Variants in NELL2 observed in about 807,000 individuals in gnomAD.
NELL2 encodes the protein neural EGFL like 2.
NELL2 carries 41 observed loss-of-function variants against 109.6 expected under a neutral mutation model. The observed-to-expected ratio is 0.37, with a 90% CI of 0.29 to 0.49. The LOEUF is 0.49. NELL2 is among the 20% of genes least tolerant of loss of function. The pLI, the probability that NELL2 is intolerant of heterozygous loss-of-function variation, is 0.98. For missense variants in NELL2, 900 were observed against 1,008.3 expected, an observed-to-expected ratio of 0.89 and a Z score of 1.45; for synonymous variants, 355 against 344.7, an observed-to-expected ratio of 1.03 and a Z score of -0.33.
At chr12:44,809,394 T>C (rs866348351) in intron 3 of NELL2, among the ~76,000 whole-genome samples, 2 of 152,074 alleles carry the variant, frequency 1.3e-5, no homozygotes, top group Admixed American at 6.6e-5. Flanking sequence ...CGAAACACAA[T>C]AGTCAGAAAA....
intron 12 of NELL2, among the ~76,000 whole-genome samples, chr12:44,687,064 G>C (rs907033137): frequency 2.0e-5 from 3 of 152,148 alleles, no homozygotes; most frequent in African/African-American, 7.2e-5. Flanking sequence ...GAGACTCCAC[G>C]GGCATAGGAC....
intron 12 of NELL2, among the ~76,000 whole-genome samples, chr12:44,679,252 T>C (rs1007241798): frequency 6.6e-6 from 1 of 152,072 alleles, no homozygotes; most frequent in African/African-American, 2.4e-5. Flanking sequence ...AGCAGGAGGA[T>C]GAAGAAGTTA....
chr12:44,783,704 A>C (rs1942051078), intron 3 of NELL2, among the ~76,000 whole-genome samples: 1 of 151,736 alleles, frequency 6.6e-6, no homozygotes, highest in African/African-American at 2.4e-5. Flanking sequence ...CCAAAAAATT[A>C]AATCTCCAGG....
intron 3 of NELL2, among the ~76,000 whole-genome samples, chr12:44,809,573 G>A (rs1044190159): frequency 4.6e-5 from 7 of 152,000 alleles, no homozygotes; most frequent in Admixed American, 2.6e-4. Context: ...GAAGTTTGTG[G>A]CTTAATTTTT....
chr12:44,856,895 A>T (rs1944701317), intron 2 of NELL2, among the ~76,000 whole-genome samples: 1 of 152,228 alleles, frequency 6.6e-6, no homozygotes, highest in Non-Finnish European at 1.5e-5. Flanking sequence ...GACTGCAGAG[A>T]AGCAAGAGTG....
intron 9 of NELL2, among the ~76,000 whole-genome samples, chr12:44,735,079 T>C (rs1363398001): frequency 6.6e-6 from 1 of 152,148 alleles, no homozygotes; most frequent in African/African-American, 2.4e-5. Flanking sequence ...TTAGACTTTT[T>C]TGTCTTCAAT....
chr12:44,671,105 A>T (rs1197108054), intron 12 of NELL2, among the ~76,000 whole-genome samples: 1 of 152,210 alleles, frequency 6.6e-6, no homozygotes, highest in Non-Finnish European at 1.5e-5. Flanking sequence ...TCAGAACACA[A>T]TGGAATTAAA....
chr12:44,587,958 T>C (rs967900011), intron 15 of NELL2, among the ~76,000 whole-genome samples: 42 of 152,124 alleles, frequency 2.8e-4, no homozygotes, highest in Non-Finnish European at 4.6e-4. Flanking sequence ...GAGACCATCC[T>C]GGCTAACATG....
In NELL2 at chr12:44,707,521, A is replaced by AT. The variant is rs1181288146; in HGVS notation, c.1190-3668dup. 9.9e-5 allele frequency among the ~76,000 whole-genome samples: 15 copies of AT among 152,146 alleles called. 1 individual carries two copies. Among genetic ancestry groups the AT allele is most frequent in the African/African-American group, 2.9e-4 (12 of 41,534 alleles). ...TCTGCTTATTGGGCCTACATATTCC[A>AT]TTTTTTTGCCATGAAACTTGAATTG... On this transcript the variant is annotated intron_variant, in intron 11 of 19. Transcript: ENST00000429094.
intron 10 of NELL2, among the ~76,000 whole-genome samples, chr12:44,712,002 T>C (rs1386397132): frequency 3.9e-5 from 6 of 152,074 alleles, no homozygotes; most frequent in Non-Finnish European, 8.8e-5. Flanking sequence ...CTGTAGTTCT[T>C]GCAGCCAAAA....
intron 9 of NELL2, among the ~76,000 whole-genome samples, chr12:44,744,521 T>C (rs1485448329): frequency 6.6e-6 from 1 of 152,084 alleles, no homozygotes; most frequent in Non-Finnish European, 1.5e-5. Context: ...AGCTGGTTTT[T>C]TGAAAAGATC....
At chr12:44,577,443 T>G (rs1944139346) in intron 15 of NELL2, among the ~76,000 whole-genome samples, 1 of 147,732 alleles carries the variant, frequency 6.8e-6, no homozygotes, top group Admixed American at 6.7e-5. Flanking sequence ...ATTCTGGATA[T>G]TAGCCCTTTG....
At chr12:44,612,168 G>A (rs1041100255) in intron 13 of NELL2, among the ~76,000 whole-genome samples, 6 of 151,298 alleles carry the variant, frequency 4.0e-5, no homozygotes, top group South Asian at 2.1e-4. Context: ...TAATATATCC[G>A]TAAATTGTCT....
intron 1 of NELL2, among the ~76,000 whole-genome samples, chr12:44,910,561 G>T (rs1184269784): frequency 6.6e-6 from 1 of 151,950 alleles, no homozygotes; most frequent in African/African-American, 2.4e-5. Flanking sequence ...ATTTCCCAAA[G>T]AATCTAAAAC....
intron 2 of NELL2, among the ~76,000 whole-genome samples, chr12:44,866,668 A>C (rs940814241): frequency 6.6e-6 from 1 of 152,160 alleles, no homozygotes; most frequent in Non-Finnish European, 1.5e-5. Context: ...AATTAATAGA[A>C]AAAATAAATG....
chr12:44,619,264 G>A, intron 13 of NELL2, among the ~76,000 whole-genome samples: 1 of 152,282 alleles, frequency 6.6e-6, no homozygotes, highest in South Asian at 2.1e-4. Flanking sequence ...CTGGCAGATG[G>A]TGATGACTAA....
intron 13 of NELL2, among the ~76,000 whole-genome samples, chr12:44,631,308 C>T (rs1365667751): frequency 1.3e-5 from 2 of 150,652 alleles, no homozygotes; most frequent in African/African-American, 4.9e-5. Flanking sequence ...CAGAGTTCCA[C>T]ATGTTATGGG....
At chr12:44,845,843 A>C (rs2136762911) in intron 2 of NELL2, among the ~76,000 whole-genome samples, 1 of 152,294 alleles carries the variant, frequency 6.6e-6, no homozygotes, top group South Asian at 2.1e-4. Flanking sequence ...TGAAGCAGCA[A>C]AATTCAATTT....
At chr12:44,624,965 GAGA>G (rs1946186621) in intron 13 of NELL2, among the ~76,000 whole-genome samples, 1 of 140,730 alleles carries the variant, frequency 7.1e-6, no homozygotes, top group African/African-American at 2.6e-5. Flanking sequence ...TTTTCTAAAA[GAGA>G]AGATGACAAA....
Sources: gnomAD v4.1 joint callset for allele counts (sites outside exome capture counted in the v4.1 genomes callset) on GRCh38, gnomAD v4.1.1 for gene constraint, MANE v1.5 for transcripts, NCBI Gene and HGNC (gene_info 2026-07-23, HGNC 2026-07-21) for gene names.